The following C5 variants were observed in gnomAD, a reference collection of about 807,000 sequenced individuals.
C5 encodes complement C5.
Under a neutral mutation model 218.8 loss-of-function variants are expected in C5, and 140 were observed. That is an observed-to-expected ratio of 0.64 (90% CI 0.56 to 0.74). The LOEUF (loss-of-function observed/expected upper bound fraction) is 0.74. Among genes scored for constraint, C5 ranks in the 30% least tolerant of loss-of-function variants. The pLI is 0.00. For missense variants in C5, 1,700 were observed against 1,969.6 expected (o/e 0.86, Z 2.59); for synonymous variants, 614 against 682.3 (o/e 0.90, Z 1.56).
Position 121,032,096 on chromosome 9 carries a change from T to C in C5, c.667+17A>G. 1 of 1,504,164 alleles carries C rather than the reference T, an allele frequency of 6.6e-7. No homozygotes were observed. The highest frequency in any genetic ancestry group is 9.3e-7 in the Non-Finnish European group (1 of 1,080,708). 93.2% of individuals were successfully genotyped at this position (1,504,164 alleles called of 1,614,324 possible). ...AAAACAAAAAGCAAAGAAAAACTTT[T>C]ACTTGTCAGAAATTACCATATTCTT... is the stretch of plus-strand genomic sequence containing the variant. On this transcript the variant is annotated intron_variant, in intron 6 of 40. Transcript: ENST00000223642.
intron 17 of C5, among the ~76,000 whole-genome samples, chr9:121,009,387 G>C (rs943843376): frequency 1.3e-5 from 2 of 152,202 alleles, no homozygotes; most frequent in African/African-American, 4.8e-5. Flanking sequence ...TTACAGACTA[G>C]GGCAGGGAGA....
intron 39 of C5, among the ~76,000 whole-genome samples, chr9:120,956,523 T>C (rs1033277253): frequency 1.3e-5 from 2 of 152,216 alleles, no homozygotes; most frequent in African/African-American, 4.8e-5. Flanking sequence ...TTTAATGCTA[T>C]TCCTATCATT....
At chr9:121,028,174 C>T (rs2047441617) in intron 7 of C5, among the ~76,000 whole-genome samples, 1 of 152,122 alleles carries the variant, frequency 6.6e-6, no homozygotes, top group African/African-American at 2.4e-5. Flanking sequence ...GAATGGCAAT[C>T]ATTAAAAAGT....
At chr9:120,972,422 G>A (rs2046921648) in intron 30 of C5, among the ~76,000 whole-genome samples, 1 of 152,146 alleles carries the variant, frequency 6.6e-6, no homozygotes, top group Non-Finnish European at 1.5e-5. Context: ...TAACTTGAAA[G>A]CGGGTGCATC....
Position 120,970,188 on chromosome 9 carries a change from C to T in C5, c.4144G>A (p.Asp1382Asn), listed in dbSNP as rs772720068. 14 of 1,612,540 alleles carry T rather than the reference C, an allele frequency of 8.7e-6. No individual in the cohort carries two copies. Among genetic ancestry groups the T allele is most frequent in the East Asian group, 2.2e-5 (1 of 44,866 alleles). The change falls in exon 32 of 41, where the codon GAT becomes AAT. Residue 1382 changes from aspartate (D) to asparagine (N), a missense_variant. Asp to Asn is a conservative substitution (Grantham distance 23). Transcript: ENST00000223642. ...EEVCSFYLKI[D>N]TQDIEASHYR... Reference sequence around the variant, plus strand: ...TTTTTACCTTCAATATCCTGAGTATCGATTTTCAAATAAAAGCTGCAAACT... The same window carrying T: ...TTTTTACCTTCAATATCCTGAGTATTGATTTTCAAATAAAAGCTGCAAACT...
chr9:121,034,700 A>C (rs1292741255), intron 5 of C5, 103 bp downstream of exon 5: 2 of 701,822 alleles, frequency 2.8e-6, no homozygotes, highest in African/African-American at 3.5e-5. Context: ...ATATCCACCT[A>C]TGTGACACCC....
chr9:120,976,678 A>C (rs761783588), intron 29 of C5, 22 bp downstream of exon 29: 1 of 1,598,954 alleles, frequency 6.3e-7, no homozygotes, highest in Non-Finnish European at 8.6e-7. Flanking sequence ...CAGGGAGATG[A>C]AACAAGACAA....
At chr9:120,989,324 C>T (rs1022840437) in intron 24 of C5, among the ~76,000 whole-genome samples, 4 of 152,116 alleles carry the variant, frequency 2.6e-5, no homozygotes, top group African/African-American at 9.7e-5. Context: ...TGATCTCATT[C>T]GAAAAGGAAG....
the C5 span, chr9:121,074,822 A>C: frequency 6.6e-6 from 3 of 455,874 alleles, no homozygotes; most frequent in African/African-American, 4.0e-5. Context: ...CCTCGCGCCC[A>C]AGACTCCCCG....
chr9:121,055,308 A>AT, the C5 span, among the ~76,000 whole-genome samples: 5 of 151,930 alleles, frequency 3.3e-5, no homozygotes, highest in East Asian at 1.9e-4. Context: ...TATTTCACAG[A>AT]TTTTTTTTCC....
At chr9:121,011,692 C>T (rs534797737) in intron 17 of C5, among the ~76,000 whole-genome samples, 1 of 152,284 alleles carries the variant, frequency 6.6e-6, no homozygotes, top group African/African-American at 2.4e-5. Flanking sequence ...TGTTGCTGCA[C>T]TGTTAAAAAT....
At chr9:121,070,446 G>GTA in the C5 span, among the ~76,000 whole-genome samples, 13 of 135,068 alleles carry the variant, frequency 9.6e-5, no homozygotes, top group Admixed American at 2.2e-4. Flanking sequence ...TTCTGTATGT[G>GTA]TATATATATA....
chr9:120,975,108 C>T lies in C5; in HGVS notation c.3865-177G>A, dbSNP rs537767713. Reference sequence around the variant, plus strand: ...GGTGGAAGAAAGGTCTCTCCCTCCTCAATAAAGATGCTGTTAGCAGGGACA... The same window carrying T: ...GGTGGAAGAAAGGTCTCTCCCTCCTTAATAAAGATGCTGTTAGCAGGGACA... On this transcript the variant is annotated intron_variant, in intron 29 of 40. Transcript: ENST00000223642. Among the ~76,000 whole-genome samples, 13 of 152,296 alleles carry T rather than the reference C, an allele frequency of 8.5e-5. No homozygotes were observed. The South Asian group carries it at 2.7e-3, about 32-fold the overall frequency.
At chr9:121,020,449 T>C (rs779258984) in intron 11 of C5, among the ~76,000 whole-genome samples, 1 of 152,162 alleles carries the variant, frequency 6.6e-6, no homozygotes, top group Non-Finnish European at 1.5e-5. Context: ...TAATTATTGG[T>C]GGTCTTCCTG....
intron 28 of C5, chr9:120,979,602 T>C: frequency 5.1e-6 from 1 of 195,586 alleles, no homozygotes; most frequent in Non-Finnish European, 1.1e-5. Context: ...AAGGAATAAA[T>C]AGAGGACAGG....
chr9:121,038,209 C>A lies in C5; in HGVS notation c.422-258G>T, dbSNP rs41307986. On this transcript the variant is annotated intron_variant, in intron 3 of 40. Transcript: ENST00000223642. ...AAGTACAGTTCACTTTCTTAAAATA[C>A]ATTTACCTACAATGTTTTGAGAAAA... 8.6e-3 allele frequency among the ~76,000 whole-genome samples: 1,316 copies of A among 152,282 alleles called. 14 individuals are homozygous for A. Among genetic ancestry groups the A allele is most frequent in the African/African-American group, 0.03 (1,241 of 41,556 alleles).
intron 30 of C5, among the ~76,000 whole-genome samples, chr9:120,972,954 G>A (rs1189705118): frequency 1.3e-5 from 2 of 152,102 alleles, no homozygotes; most frequent in Non-Finnish European, 2.9e-5. Context: ...AATAAGTTTG[G>A]GAAATGCTGT....
At chr9:121,051,344 G>A (rs2047669945), upstream of C5, among the ~76,000 whole-genome samples, 1 of 151,858 alleles carries the variant, frequency 6.6e-6, no homozygotes. Flanking sequence ...GGCTGGTCTC[G>A]AACTCCTGAC....
In C5 at chr9:120,952,412, T is replaced by A. The variant is rs144332635; in HGVS notation, c.*327A>T. 3 of 322,720 alleles carry A rather than the reference T, an allele frequency of 9.3e-6. No individual in the cohort carries two copies. Among genetic ancestry groups the A allele is most frequent in the Non-Finnish European group, 1.8e-5 (3 of 166,118 alleles). 20.0% of individuals were successfully genotyped at this position (322,720 alleles called of 1,614,324 possible). On this transcript the variant is annotated 3_prime_UTR_variant, in exon 41 of 41. Coordinates refer to ENST00000223642, the MANE Select transcript of C5 (RefSeq NM_001735.3). ...CTTTCAAGCAAAGGCCATGTTTTTG[T>A]AATACTCCCTTTCAATGGACTGTTC...
Sources: gnomAD v4.1 joint callset for allele counts (sites outside exome capture counted in the v4.1 genomes callset) on GRCh38, gnomAD v4.1.1 for gene constraint, MANE v1.5 for transcripts, NCBI Gene and HGNC (gene_info 2026-07-23, HGNC 2026-07-21) for gene names.